KCNMB2: variants seen among roughly 807,000 people sequenced by gnomAD.
KCNMB2 encodes calcium-activated potassium channel subunit beta-2.
Under a neutral mutation model 24.5 loss-of-function variants are expected in KCNMB2, and 9 were observed. That is an observed-to-expected ratio of 0.37 (90% confidence interval 0.22 to 0.64). KCNMB2 has a LOEUF of 0.64. KCNMB2 is among the 30% of genes least tolerant of loss of function. KCNMB2 has a pLI of 0.63. For missense variants in KCNMB2, 226 were observed against 284.3 expected (o/e 0.79, Z 1.47); for synonymous variants, 109 against 104.4 (o/e 1.04, Z -0.27).
At position 178,730,414 on chromosome 3, in the gene KCNMB2, CA is replaced by C. The variant is rs1378317632; in HGVS notation, c.-67-76928del. ...ACTACTGTCCCCCAACACCCCCCCA[CA>C]CACACACACACACACAAACACATCC... is the stretch of plus-strand genomic sequence containing the variant. On this transcript the variant is annotated intron_variant, in intron 1 of 4. Transcript: ENST00000452583. 1.3e-3 allele frequency among the ~76,000 whole-genome samples: 165 copies of C among 130,950 alleles called. 4 individuals carry two copies. The highest frequency in any genetic ancestry group is 4.4e-3 in the African/African-American group (153 of 34,426). The allele number at this position is 130,950 out of a possible 152,430, so 85.9% of individuals were successfully genotyped here.
At chr3:178,667,473 C>T (rs55853634) in intron 1 of KCNMB2, among the ~76,000 whole-genome samples, 21,387 of 152,140 alleles carry the variant, frequency 0.14, 1,847 homozygotes, top group Admixed American at 0.22. Context: ...CCTCCCAAGA[C>T]GCCAAATGCT....
At chr3:178,588,796 G>A (rs182716435) in intron 1 of KCNMB2, among the ~76,000 whole-genome samples, 12 of 151,906 alleles carry the variant, frequency 7.9e-5, no homozygotes, top group African/African-American at 2.9e-4. Flanking sequence ...CAAAACCTTG[G>A]GCAATTACCA....
chr3:178,821,925 T>G (rs1251596741), intron 2 of KCNMB2, among the ~76,000 whole-genome samples: 1 of 152,164 alleles, frequency 6.6e-6, no homozygotes, highest in Non-Finnish European at 1.5e-5. Context: ...TTGCCAACAC[T>G]ACAGTAACAA....
intron 1 of KCNMB2, among the ~76,000 whole-genome samples, chr3:178,762,490 T>A (rs112277287): frequency 6.6e-6 from 1 of 152,150 alleles, no homozygotes; most frequent in Non-Finnish European, 1.5e-5. Flanking sequence ...TCAAGAGCAA[T>A]GGAAAACCAT....
At position 178,828,559 on chromosome 3, in the gene KCNMB2, G is replaced by A. The variant is rs139271775; in HGVS notation, c.423+186G>A. Among the ~76,000 whole-genome samples the A allele has an allele frequency of 2.2e-3, 332 of 152,302 alleles. 4 individuals are homozygous for A. Among genetic ancestry groups the A allele is most frequent in the African/African-American group, 7.7e-3 (318 of 41,568 alleles). On this transcript the variant is annotated intron_variant, in intron 4 of 4. Coordinates refer to ENST00000452583, the MANE Select transcript of KCNMB2 (RefSeq NM_181361.3). The stretch of plus-strand genomic sequence containing the variant: ...AAAATATTTATTTTCTGTGCAAGTT[G>A]TGGACAAATCATTCCTACATTTGTG...
At chr3:178,546,589 C>T (rs559882264) in intron 1 of KCNMB2, among the ~76,000 whole-genome samples, 10 of 152,268 alleles carry the variant, frequency 6.6e-5, no homozygotes, top group Non-Finnish European at 1.3e-4. Flanking sequence ...TAGCCTGTTA[C>T]AGGGAGTAAG....
chr3:178,737,703 T>C (rs1723362529), intron 1 of KCNMB2, among the ~76,000 whole-genome samples: 1 of 152,108 alleles, frequency 6.6e-6, no homozygotes. Context: ...TATACTTTAG[T>C]ATGAAAAAAA....
chr3:178,716,713 G>A (rs978274634), intron 1 of KCNMB2, among the ~76,000 whole-genome samples: 1 of 152,150 alleles, frequency 6.6e-6, no homozygotes, highest in Non-Finnish European at 1.5e-5. Flanking sequence ...AAAGTGCTGG[G>A]ATTACAGGCA....
chr3:178,676,947 G>A (rs571906808), intron 1 of KCNMB2, among the ~76,000 whole-genome samples: 1 of 152,268 alleles, frequency 6.6e-6, no homozygotes, highest in South Asian at 2.1e-4. Context: ...TGGAGCCTGG[G>A]AGAAGGTGAA....
chr3:178,543,118 C>T (rs1286339864), intron 1 of KCNMB2, among the ~76,000 whole-genome samples: 2 of 152,174 alleles, frequency 1.3e-5, no homozygotes, highest in African/African-American at 2.4e-5. Flanking sequence ...TTAGTTTTTA[C>T]TTCTTGGCAT....
rs1714800872 is a variant in KCNMB2, at chr3:178,825,579, T to C, written c.57-9T>C. The C allele has an allele frequency of 6.2e-7, 1 of 1,609,438 alleles. No individual in the cohort carries two copies. Among genetic ancestry groups the C allele is most frequent in the African/African-American group, 1.3e-5 (1 of 74,782 alleles). On this transcript the variant is annotated splice_polypyrimidine_tract_variant and intron_variant, in intron 2 of 4. Transcript: ENST00000452583. ...ACTTAATGTAAGACCATATTGTTTT[T>C]AACCTCAGAAATATTTACCAGAAAA...
At chr3:178,619,562 A>G (rs997843943) in intron 1 of KCNMB2, among the ~76,000 whole-genome samples, 2 of 152,152 alleles carry the variant, frequency 1.3e-5, no homozygotes, top group African/African-American at 2.4e-5. Context: ...ATAAAGATTT[A>G]TTAGAGTATA....
At chr3:178,824,379 T>C (rs1714748669) in intron 2 of KCNMB2, among the ~76,000 whole-genome samples, 1 of 152,256 alleles carries the variant, frequency 6.6e-6, no homozygotes, top group African/African-American at 2.4e-5. Context: ...ATTGTCTTTT[T>C]TTTTTCGAGA....
At chr3:178,621,649 T>C (rs530634468) in intron 1 of KCNMB2, among the ~76,000 whole-genome samples, 46 of 152,254 alleles carry the variant, frequency 3.0e-4, no homozygotes, top group African/African-American at 1.1e-3. Context: ...AATCAATAGC[T>C]AAAAAATAAT....
chr3:178,637,226 G>A (rs1464702825), intron 1 of KCNMB2, among the ~76,000 whole-genome samples: 1 of 152,130 alleles, frequency 6.6e-6, no homozygotes, highest in African/African-American at 2.4e-5. Context: ...ACCTAGTAAT[G>A]GGATTGTTGG....
chr3:178,646,417 C>A (rs1719925540), intron 1 of KCNMB2, among the ~76,000 whole-genome samples: 1 of 152,148 alleles, frequency 6.6e-6, no homozygotes, highest in African/African-American at 2.4e-5. Flanking sequence ...TTGGCCCAAA[C>A]TTAGTATAAT....
At chr3:178,540,143 G>A (rs1050961591) in intron 1 of KCNMB2, among the ~76,000 whole-genome samples, 4 of 152,102 alleles carry the variant, frequency 2.6e-5, no homozygotes, top group African/African-American at 9.7e-5. Context: ...GTGTAAATGG[G>A]AACTTCACTG....
At chr3:178,708,262 A>G (rs1375722203) in intron 1 of KCNMB2, among the ~76,000 whole-genome samples, 3 of 152,122 alleles carry the variant, frequency 2.0e-5, no homozygotes, top group African/African-American at 7.2e-5. Context: ...CTGCTCAAGA[A>G]CAGGGACCAT....
chr3:178,576,123 T>C (rs1042946367), intron 1 of KCNMB2, among the ~76,000 whole-genome samples: 10 of 151,956 alleles, frequency 6.6e-5, no homozygotes, highest in African/African-American at 2.2e-4. Flanking sequence ...GCGGGTGATT[T>C]CTGCATTTGC....
Sources: gnomAD v4.1 joint callset for allele counts (sites outside exome capture counted in the v4.1 genomes callset) on GRCh38, gnomAD v4.1.1 for gene constraint, MANE v1.5 for transcripts, NCBI Gene and HGNC (gene_info 2026-07-23, HGNC 2026-07-21) for gene names.